The following SS18 variants were observed in gnomAD, a reference collection of about 807,000 sequenced individuals.
The protein encoded by SS18 is protein SSXT.
In SS18, 28 loss-of-function variants were observed where a neutral mutation model predicts 72.5. The ratio of observed to expected loss-of-function variants is 0.39; its 90% CI spans 0.29 to 0.53. SS18 has a LOEUF of 0.53. Among genes scored for constraint, SS18 ranks in the 20% least tolerant of loss-of-function variants. The pLI is 0.76. For missense variants in SS18, 518 were observed against 535.3 expected (o/e 0.97, Z 0.32); for synonymous variants, 172 against 164.2 (o/e 1.05, Z -0.37).
intron 4 of SS18, among the ~76,000 whole-genome samples, chr18:26,056,326 C>T (rs1471396891): frequency 6.6e-6 from 1 of 152,232 alleles, no homozygotes; most frequent in Non-Finnish European, 1.5e-5. Flanking sequence ...CCTGCACTAT[C>T]ACTACCTTTC....
intron 10 of SS18, among the ~76,000 whole-genome samples, chr18:26,030,743 T>G (rs916422146): frequency 4.6e-5 from 7 of 151,434 alleles, no homozygotes; most frequent in African/African-American, 1.7e-4. Flanking sequence ...GGTTGAGAAG[T>G]AAGAGCTAAG....
intron 3 of SS18, among the ~76,000 whole-genome samples, chr18:26,066,039 T>C (rs565097229): frequency 2.6e-4 from 40 of 152,028 alleles, no homozygotes; most frequent in African/African-American, 9.2e-4. Flanking sequence ...TGTCACTTTT[T>C]CCCTGAGCAC....
intron 5 of SS18, among the ~76,000 whole-genome samples, chr18:26,047,272 A>C (rs2053840988): frequency 6.6e-6 from 1 of 150,582 alleles, no homozygotes; most frequent in African/African-American, 2.4e-5. Flanking sequence ...AAAAAAAAAA[A>C]AAAAAAAAAA....
chr18:26,035,540 GA>G lies in SS18; in HGVS notation c.973+290del, dbSNP rs917729647. 9.8e-5 allele frequency: 30 copies of G among 304,818 alleles called. No homozygotes were observed. Among genetic ancestry groups the G allele is most frequent in the Middle Eastern group, 9.1e-4 (1 of 1,104 alleles). The allele number at this position is 304,818 out of a possible 1,614,324, so 18.9% of individuals were successfully genotyped here. A position where few individuals can be genotyped will look rare whatever the true frequency, so the allele number is the denominator to read the frequency against. ...ATTATACATATGTAAACACACACGA[GA>G]AAAAAAAGTTTGATGGATTTATGTT... is the stretch of plus-strand genomic sequence containing the variant. On this transcript the variant is annotated intron_variant, in intron 8 of 10. Coordinates refer to ENST00000415083, the MANE Select transcript of SS18 (RefSeq NM_001007559.3). This position sits in a 1 kb window ranked among gnomAD's most constrained non-coding sequence, Gnocchi z 4.4.
At chr18:26,076,277 A>AC in intron 3 of SS18, among the ~76,000 whole-genome samples, 1 of 151,962 alleles carries the variant, frequency 6.6e-6, no homozygotes, top group Middle Eastern at 3.4e-3. Flanking sequence ...CTTGGAAAAA[A>AC]AAAAAAGGAA....
chr18:26,030,106 C>CTTTA (rs1384548110), intron 10 of SS18, among the ~76,000 whole-genome samples: 1 of 152,168 alleles, frequency 6.6e-6, no homozygotes, highest in African/African-American at 2.4e-5. Flanking sequence ...CTGCTACACA[C>CTTTA]TTTATATACA....
intron 3 of SS18, among the ~76,000 whole-genome samples, chr18:26,063,537 T>C (rs866593533): frequency 2.0e-5 from 3 of 151,832 alleles, no homozygotes; most frequent in African/African-American, 7.3e-5. Context: ...AAAATAATAA[T>C]AATAAGAAAT....
chr18:26,091,009 T>G, upstream of SS18: 1 of 211,434 alleles, frequency 4.7e-6, no homozygotes, highest in South Asian at 7.2e-5. Context: ...CTTGCCTCCC[T>G]CTCCGGCCCT....
chr18:26,056,074 A>G (rs557141017), intron 4 of SS18, among the ~76,000 whole-genome samples: 1 of 152,180 alleles, frequency 6.6e-6, no homozygotes, highest in East Asian at 1.9e-4. Flanking sequence ...ATTCTTAACT[A>G]TTGTTTCGGA....
At chr18:26,075,541 T>C (rs2054397180) in intron 3 of SS18, among the ~76,000 whole-genome samples, 1 of 151,988 alleles carries the variant, frequency 6.6e-6, no homozygotes, top group South Asian at 2.1e-4. Flanking sequence ...CCATTCAACA[T>C]ATAAATTTTT....
chr18:26,030,165 A>C (rs991892830), intron 10 of SS18, among the ~76,000 whole-genome samples: 2 of 152,194 alleles, frequency 1.3e-5, no homozygotes, highest in Non-Finnish European at 1.5e-5. Context: ...CAAGTCCCCT[A>C]ATACGGCTTG....
At chr18:26,065,800 C>CATATATATAT (rs58222135) in intron 3 of SS18, among the ~76,000 whole-genome samples, 728 of 55,572 alleles carry the variant, frequency 0.013, 32 homozygotes, top group African/African-American at 0.024. Flanking sequence ...CCTACAAATC[C>CATATATATAT]ATATATATAT....
At chr18:26,057,147 C>T (rs181595781) in intron 4 of SS18, among the ~76,000 whole-genome samples, 197 of 152,304 alleles carry the variant, frequency 1.3e-3, no homozygotes, top group South Asian at 3.9e-3. Context: ...AATACACCAG[C>T]ACTTCAGAGA....
At chr18:26,070,634 G>A (rs1466593579) in intron 3 of SS18, among the ~76,000 whole-genome samples, 2 of 152,148 alleles carry the variant, frequency 1.3e-5, no homozygotes, top group African/African-American at 4.8e-5. Flanking sequence ...TTAGATTCTT[G>A]ACTTTTAGAT....
intron 1 of SS18, among the ~76,000 whole-genome samples, chr18:26,087,882 A>C (rs1232823550): frequency 6.6e-6 from 1 of 152,212 alleles, no homozygotes; most frequent in African/African-American, 2.4e-5. Context: ...TTAGTGTATC[A>C]GCAGCTCTCT....
chr18:26,032,147 G>C (rs2053553948), intron 10 of SS18, among the ~76,000 whole-genome samples: 1 of 152,076 alleles, frequency 6.6e-6, no homozygotes, highest in African/African-American at 2.4e-5. Flanking sequence ...GAGGGGGAGA[G>C]AGAGAGACAG....
chr18:26,060,697 G>A (rs2054102998), intron 3 of SS18, among the ~76,000 whole-genome samples: 1 of 141,512 alleles, frequency 7.1e-6, no homozygotes, highest in South Asian at 2.3e-4. Context: ...GGCCAAGGCA[G>A]GCAGATCACT....
intron 10 of SS18, among the ~76,000 whole-genome samples, chr18:26,028,878 T>A (rs2053496865): frequency 6.6e-6 from 1 of 152,180 alleles, no homozygotes; most frequent in Non-Finnish European, 1.5e-5. Context: ...AAGATCAAAC[T>A]GTACACTTTT....
intron 3 of SS18, among the ~76,000 whole-genome samples, chr18:26,077,010 T>C (rs566516279): frequency 3.0e-4 from 46 of 152,060 alleles, no homozygotes; most frequent in African/African-American, 1.1e-3. Context: ...GAAAGGAAGT[T>C]TATCTTTTTA....
Sources: allele counts gnomAD v4.1 joint callset (sites outside exome capture counted in the v4.1 genomes callset), GRCh38; gene constraint gnomAD v4.1.1; non-coding constraint Gnocchi (gnomAD v3.1); transcripts MANE v1.5; gene names NCBI Gene and HGNC (gene_info 2026-07-23, HGNC 2026-07-21).